Variants in MAST4 observed in about 807,000 individuals in gnomAD.
MAST4 encodes microtubule associated serine/threonine kinase family member 4, also known as microtubule-associated serine/threonine-protein kinase 4.
A neutral mutation model predicts 162.7 loss-of-function variants in MAST4; 89 were observed. The observed-to-expected ratio is 0.55, with a 90% confidence interval of 0.46 to 0.65. MAST4 has a LOEUF of 0.65. MAST4 is among the 30% of genes least tolerant of loss of function. The probability of loss-of-function intolerance (pLI) is 0.00; values close to 1 mark genes in which losing one functional copy is unlikely to be tolerated. For synonymous variants in MAST4, 1,479 were observed against 1,361.1 expected (o/e 1.09, Z -1.91); for missense variants, 3,153 against 3,374.0 (o/e 0.93, Z 1.62).
intron 1 of MAST4, among the ~76,000 whole-genome samples, chr5:66,750,147 C>G (rs1363723698): frequency 6.6e-6 from 1 of 152,120 alleles, no homozygotes; most frequent in Non-Finnish European, 1.5e-5. Flanking sequence ...AGTCTCTTCT[C>G]TTTTTTTAAG....
chr5:67,122,415 T>A (rs1767697751), intron 14 of MAST4, among the ~76,000 whole-genome samples: 1 of 152,230 alleles, frequency 6.6e-6, no homozygotes. Context: ...AATGCCATAT[T>A]TCCTATTGTG....
At chr5:66,662,325 A>G (rs949249770) in intron 1 of MAST4, 3 of 152,226 alleles carry the variant, frequency 2.0e-5, no homozygotes, top group African/African-American at 7.2e-5. Flanking sequence ...CATACTGGTT[A>G]ATTAAGTTAC....
At chr5:66,997,947 G>A (rs1331117835) in intron 4 of MAST4, among the ~76,000 whole-genome samples, 1 of 152,196 alleles carries the variant, frequency 6.6e-6, no homozygotes, top group Non-Finnish European at 1.5e-5. Flanking sequence ...GCAATGGAAG[G>A]AAATTCCGAT....
chr5:67,078,939 T>TATATATATATATA (rs1762265612), intron 5 of MAST4, among the ~76,000 whole-genome samples: 1 of 97,188 alleles, frequency 1.0e-5, no homozygotes, highest in African/African-American at 4.8e-5. Context: ...TATATATATA[T>TATATATATATATA]ATATATATAT....
At chr5:66,735,663 T>C (rs1044601294) in intron 1 of MAST4, among the ~76,000 whole-genome samples, 3 of 152,210 alleles carry the variant, frequency 2.0e-5, no homozygotes, top group African/African-American at 7.2e-5. Context: ...TATGTGAATA[T>C]GTTTTTATAT....
intron 1 of MAST4, among the ~76,000 whole-genome samples, chr5:66,684,334 G>A (rs1238742978): frequency 6.8e-6 from 1 of 147,578 alleles, no homozygotes; most frequent in South Asian, 2.2e-4. Context: ...GAGGGAAAAT[G>A]TAGTGCTTCT....
At chr5:66,612,125 C>T (rs1297383801) in intron 1 of MAST4, among the ~76,000 whole-genome samples, 1 of 152,176 alleles carries the variant, frequency 6.6e-6, no homozygotes, top group Non-Finnish European at 1.5e-5. Context: ...CAGGCTGGAG[C>T]TATATCTCTG....
intron 27 of MAST4, among the ~76,000 whole-genome samples, chr5:67,160,956 C>CA (rs1713186750): frequency 6.6e-6 from 1 of 152,120 alleles, no homozygotes; most frequent in Admixed American, 6.5e-5. Context: ...TTTACGTTAT[C>CA]AAAAAACAAA....
chr5:67,154,918 G>A (rs541138995), intron 26 of MAST4, among the ~76,000 whole-genome samples: 1 of 152,286 alleles, frequency 6.6e-6, no homozygotes, highest in Non-Finnish European at 1.5e-5. Flanking sequence ...GTCAGTGCTG[G>A]GCTCCTGTGT....
chr5:67,142,980 C>G (rs1770596422), intron 21 of MAST4: 1 of 158,908 alleles, frequency 6.3e-6, no homozygotes, highest in Non-Finnish European at 1.4e-5. Context: ...AGAGGTATCA[C>G]TCATTGCTTT....
intron 1 of MAST4, among the ~76,000 whole-genome samples, chr5:66,612,784 C>T (rs987167262): frequency 6.6e-6 from 1 of 152,046 alleles, no homozygotes; most frequent in Admixed American, 6.5e-5. Context: ...AAGAGGAGGT[C>T]GTATCAGATT....
chr5:66,804,983 G>T (rs1756115531), intron 3 of MAST4, among the ~76,000 whole-genome samples: 1 of 152,024 alleles, frequency 6.6e-6, no homozygotes, highest in African/African-American at 2.4e-5. Flanking sequence ...CTCTCACTTT[G>T]TTAGTTTTTC....
chr5:66,635,079 G>A (rs1327459389), intron 1 of MAST4, among the ~76,000 whole-genome samples: 1 of 152,170 alleles, frequency 6.6e-6, no homozygotes, highest in African/African-American at 2.4e-5. Flanking sequence ...TGTACATCAG[G>A]TACATCATTC....
chr5:66,991,705 A>C (rs1750081425), intron 4 of MAST4, among the ~76,000 whole-genome samples: 2 of 152,244 alleles, frequency 1.3e-5, no homozygotes, highest in Admixed American at 6.5e-5. Flanking sequence ...ACAAAGGATA[A>C]ATAGAAAAAT....
rs530633344 is a variant in MAST4 at position 66,745,905 on chromosome 5, G to C, written c.364-13804G>C. On this transcript the variant is annotated intron_variant, in intron 1 of 28. Coordinates refer to ENST00000403625, the MANE Select transcript of MAST4 (RefSeq NM_001164664.2). ...TGGGTTGATAGAGTATGTGGGAGTA[G>C]AAAACCAGAGGAAATCATACACTTG... Among the ~76,000 whole-genome samples, 9 of 152,326 alleles carry C rather than the reference G, an allele frequency of 5.9e-5. No homozygotes were observed. The South Asian group carries it at 1.9e-3, about 32-fold the overall frequency.
In MAST4 at chr5:67,131,814, G is replaced by A. The variant is rs553196823; in HGVS notation, c.1956G>A (p.Gly652=). ...HLCMVMEYVE[G]GDCATLMKNM... ...CTAACTCTTTTTCCTGTGTTACAGG[G>A]GGAGACTGTGCTACTTTAATGAAAA... Residue 652 remains glycine, a splice_region_variant and synonymous_variant, in exon 16 of 29, where the codon GGG becomes GGA. Transcript: ENST00000403625. 25 of 1,612,652 alleles carry A rather than the reference G, an allele frequency of 1.6e-5. No individual in the cohort carries two copies. In the South Asian group the frequency reaches 2.4e-4, roughly 16 times the overall value.
At chr5:67,066,195 C>A (rs1268022992) in intron 5 of MAST4, among the ~76,000 whole-genome samples, 2 of 151,536 alleles carry the variant, frequency 1.3e-5, no homozygotes, top group African/African-American at 4.8e-5. Context: ...TGTATATATT[C>A]AGTGTAGAAA....
rs369646033 is a variant in MAST4, at chr5:67,166,742, G to T, written c.7563G>T (p.Leu2521=). The part of the protein sequence containing the change: ...GRTHMTKSDS[L]PSFRVSTLPL... ...CCCACATGACAAAGAGTGACTCCCT[G>T]CCCTCCTTCCGGGTCTCCACCCTGC... Residue 2521 remains leucine, a synonymous_variant, in exon 29 of 29, where the codon CTG becomes CTT. Coordinates refer to ENST00000403625, the MANE Select transcript of MAST4 (RefSeq NM_001164664.2). 1 of 1,592,350 alleles carries T rather than the reference G, an allele frequency of 6.3e-7. No homozygotes were observed. The highest frequency in any genetic ancestry group is 8.5e-7 in the Non-Finnish European group (1 of 1,169,886).
chr5:66,893,451 C>T (rs771052568), intron 3 of MAST4, among the ~76,000 whole-genome samples: 2 of 151,844 alleles, frequency 1.3e-5, no homozygotes, highest in Non-Finnish European at 2.9e-5. Context: ...TGGTCTCGAA[C>T]TCCTGACCTC....
Sources: allele counts gnomAD v4.1 joint callset (sites outside exome capture counted in the v4.1 genomes callset), GRCh38; gene constraint gnomAD v4.1.1; transcripts MANE v1.5; gene names NCBI Gene and HGNC (gene_info 2026-07-23, HGNC 2026-07-21).